STK32C: variants seen among roughly 807,000 people sequenced by gnomAD.
STK32C encodes serine/threonine kinase 32C.
In STK32C, 31 loss-of-function variants were observed where a neutral mutation model predicts 56.5. The ratio of observed to expected loss-of-function variants is 0.55; its 90% CI spans 0.41 to 0.74. STK32C has a LOEUF of 0.74. STK32C is among the 30% of genes least tolerant of loss of function. STK32C has a pLI of 0.00. For missense variants in STK32C, 544 were observed against 676.9 expected, an observed-to-expected ratio of 0.80 and a Z score of 2.18; for synonymous variants, 309 against 289.4, an observed-to-expected ratio of 1.07 and a Z score of -0.69.
chr10:132,239,303 G>A (rs780026266), intron 2 of STK32C, among the ~76,000 whole-genome samples: 3 of 152,188 alleles, frequency 2.0e-5, no homozygotes, highest in Admixed American at 1.3e-4. Flanking sequence ...GCTCAACCCA[G>A]TAAACATTCT....
chr10:132,301,379 G>A (rs1052587801), intron 1 of STK32C, among the ~76,000 whole-genome samples: 4 of 152,242 alleles, frequency 2.6e-5, no homozygotes, highest in Non-Finnish European at 4.4e-5. Flanking sequence ...AGAGCCGAGG[G>A]GCTCAAGAGG....
chr10:132,283,834 C>G (rs949828229), intron 1 of STK32C, among the ~76,000 whole-genome samples: 2 of 152,192 alleles, frequency 1.3e-5, no homozygotes, highest in Non-Finnish European at 2.9e-5. Context: ...CTTCTCCCCA[C>G]GCTCTGCTGG....
At chr10:132,279,251 C>T (rs749395409) in intron 1 of STK32C, among the ~76,000 whole-genome samples, 4 of 152,154 alleles carry the variant, frequency 2.6e-5, no homozygotes, top group South Asian at 2.1e-4. Context: ...CTGGGCTACC[C>T]GTGTCCATAA....
intron 1 of STK32C, among the ~76,000 whole-genome samples, chr10:132,274,223 C>T (rs896486205): frequency 3.3e-5 from 5 of 152,176 alleles, no homozygotes; most frequent in African/African-American, 1.2e-4. Flanking sequence ...GAGGCTGGCT[C>T]CTCCTGTCCT....
intron 1 of STK32C, among the ~76,000 whole-genome samples, chr10:132,281,190 C>T (rs1007138516): frequency 6.8e-6 from 1 of 147,684 alleles, no homozygotes; most frequent in African/African-American, 2.7e-5. Flanking sequence ...CACACACACA[C>T]ACACACACAC....
At chr10:132,216,731 C>T (rs1317520285) in intron 10 of STK32C, among the ~76,000 whole-genome samples, 3 of 152,228 alleles carry the variant, frequency 2.0e-5, no homozygotes, top group South Asian at 4.1e-4. Flanking sequence ...CCAGCCATGA[C>T]TGAAAGGGGC....
At chr10:132,258,598 C>G (rs1285583714) in intron 1 of STK32C, among the ~76,000 whole-genome samples, 1 of 152,260 alleles carries the variant, frequency 6.6e-6, no homozygotes, top group Non-Finnish European at 1.5e-5. Flanking sequence ...TGGAATTCCT[C>G]CCAGCCCACC....
intron 2 of STK32C, among the ~76,000 whole-genome samples, chr10:132,229,907 G>A (rs527775023): frequency 6.6e-6 from 1 of 152,348 alleles, no homozygotes; most frequent in South Asian, 2.1e-4. Flanking sequence ...TGGCACCATG[G>A]GCTCTAAGTA....
chr10:132,266,779 G>C (rs1303122713), intron 1 of STK32C, among the ~76,000 whole-genome samples: 1 of 152,038 alleles, frequency 6.6e-6, no homozygotes, highest in African/African-American at 2.4e-5. Context: ...CTCTCGGGGA[G>C]GAGGGCACTG....
Position 132,226,904 on chromosome 10 carries a change from G to T in STK32C, c.535C>A (p.Arg179Ser). The T allele has an allele frequency of 3.7e-6, 6 of 1,613,454 alleles. No homozygotes were observed. Among genetic ancestry groups the T allele is most frequent in the Non-Finnish European group, 5.1e-6 (6 of 1,180,038 alleles). The change falls in exon 4 of 12, where the codon CGC (arginine) becomes AGC (serine). Residue 179 changes from arginine (R) to serine (S), a missense_variant. Transcript: ENST00000298630. ...VVDLLLGGDL[R>S]YHLQQNVQFS... is the part of the protein sequence containing the mutation. ...TGCACGTTCTGCTGCAGGTGGTAGC[G>T]CAGGTCCCCGCCCAGTAGCAGGTCC...
At chr10:132,218,756 C>T (rs955872902) in intron 10 of STK32C, among the ~76,000 whole-genome samples, 2 of 152,148 alleles carry the variant, frequency 1.3e-5, no homozygotes, top group African/African-American at 4.8e-5. Context: ...TGAATGTTCA[C>T]AGCAGCATTA....
At chr10:132,279,912 TCCGTGATCACGCTGAGGCCTCCACA>T (rs1564771703) in intron 1 of STK32C, among the ~76,000 whole-genome samples, 1 of 135,184 alleles carries the variant, frequency 7.4e-6, no homozygotes, top group Non-Finnish European at 1.6e-5. Flanking sequence ...GCCCCTACAC[TCCGTGATCACGCTGAGGCCTCCACA>T]CCGTGACCAC....
At chr10:132,273,294 G>T (rs772030073) in intron 1 of STK32C, among the ~76,000 whole-genome samples, 19 of 151,980 alleles carry the variant, frequency 1.3e-4, no homozygotes, top group Non-Finnish European at 2.2e-4. Context: ...AGCCCTAAAG[G>T]TCCTGTGAAC....
exon 1 of STK32C, chr10:132,331,501 T>A: frequency 1.2e-6 from 2 of 1,612,916 alleles, no homozygotes; most frequent in Non-Finnish European, 1.7e-6. Flanking sequence ...GAGGACGCTC[T>A]GAGTCTGCGT....
upstream of STK32C, among the ~76,000 whole-genome samples, chr10:132,310,142 G>A (rs1297728970): frequency 6.6e-6 from 1 of 152,210 alleles, no homozygotes; most frequent in Non-Finnish European, 1.5e-5. The surrounding 1 kb of genome is among the most constrained non-coding windows in gnomAD (Gnocchi z 4.6). Context: ...AGAGTGCAGG[G>A]GGGCAGAGGG....
chr10:132,210,675 G>A (rs555278909), intron 10 of STK32C, among the ~76,000 whole-genome samples: 51 of 152,346 alleles, frequency 3.3e-4, no homozygotes, highest in African/African-American at 9.4e-4. Context: ...GCTGACGTGC[G>A]TCACACTCGG....
Position 132,224,491 on chromosome 10 carries a change from C to A in STK32C, c.909G>T (p.Val303=), listed in dbSNP as rs1204378533. The change falls in exon 8 of 12, where the codon GTG becomes GTT. Residue 303 remains valine (V), a synonymous_variant. Coordinates refer to ENST00000298630, the MANE Select transcript of STK32C (RefSeq NM_173575.4). ...RPYDIHSSNA[V]ESLVQLFSTV... ...TGCTGAACAGCTGCACCAGGGACTC[C>A]ACGGCGTTGCTGGAGTGGATGTCAT... 6.3e-7 allele frequency: 1 copy of A among 1,588,196 alleles called. No individual in the cohort carries two copies. Among genetic ancestry groups the A allele is most frequent in the South Asian group, 1.2e-5 (1 of 86,700 alleles).
intron 2 of STK32C, among the ~76,000 whole-genome samples, chr10:132,241,431 G>A (rs767537203): frequency 3.9e-5 from 6 of 152,186 alleles, no homozygotes; most frequent in Non-Finnish European, 7.3e-5. Flanking sequence ...AATAACCATA[G>A]GAACGACGTA....
At chr10:132,306,854 T>G (rs1034434625) in intron 1 of STK32C, 12 of 152,212 alleles carry the variant, frequency 7.9e-5, no homozygotes, top group African/African-American at 2.9e-4. Flanking sequence ...AGGTGATAAT[T>G]CGGGGGTCCC....
Sources: gnomAD v4.1 joint callset for allele counts (sites outside exome capture counted in the v4.1 genomes callset) on GRCh38, gnomAD v4.1.1 for gene constraint, Gnocchi (gnomAD v3.1) non-coding constraint, MANE v1.5 for transcripts, NCBI Gene and HGNC (gene_info 2026-07-23, HGNC 2026-07-21) for gene names.